Variants in GLS observed in about 807,000 individuals in gnomAD.
GLS encodes glutaminase kidney isoform, mitochondrial.
Under a neutral mutation model 86.7 loss-of-function variants are expected in GLS, and 36 were observed. That is an observed-to-expected ratio of 0.42 (90% CI 0.32 to 0.55). The LOEUF is 0.55. Ranked by LOEUF, GLS falls within the 20% of genes least tolerant of loss-of-function variation. GLS has a pLI of 0.17. For synonymous variants in GLS, 317 were observed against 305.9 expected (o/e 1.04, Z -0.38); for missense variants, 528 against 833.4 (o/e 0.63, Z 4.51).
intron 1 of GLS, 142 bp downstream of exon 1, chr2:190,881,612 T>A: frequency 1.3e-6 from 1 of 790,950 alleles, no homozygotes; most frequent in Non-Finnish European, 1.9e-6. Context: ...CTGCGCCGTC[T>A]GCGCCATGTG....
rs1308804423 is a variant in GLS at position 190,943,046 on chromosome 2, C to T, written c.1651-10519C>T. On this transcript the variant is annotated intron_variant, in intron 14 of 17. Transcript: ENST00000320717. This position sits in a 1 kb window ranked among gnomAD's most constrained non-coding sequence, Gnocchi z 4.5. ...CTTTACTGGAAACTCACCTGACGCT[C>T]ATTGACCAGACTAACTGCAAGGGAA... Among the ~76,000 whole-genome samples the T allele has an allele frequency of 6.6e-6, 1 of 152,154 alleles. No homozygotes were observed. Among genetic ancestry groups the T allele is most frequent in the Non-Finnish European group, 1.5e-5 (1 of 68,036 alleles).
chr2:190,893,245 A>G (rs1159848558), intron 1 of GLS, among the ~76,000 whole-genome samples: 1 of 152,222 alleles, frequency 6.6e-6, no homozygotes, highest in Non-Finnish European at 1.5e-5. Context: ...TATAAAAGTA[A>G]TAACAAGCTA....
chr2:190,894,322 G>C (rs1360242256), intron 1 of GLS, among the ~76,000 whole-genome samples: 1 of 151,252 alleles, frequency 6.6e-6, no homozygotes, highest in Non-Finnish European at 1.5e-5. Context: ...ATGTAAATAA[G>C]TCTTATACTA....
chr2:190,934,795 T>C, intron 14 of GLS: 1 of 964,222 alleles, frequency 1.0e-6, no homozygotes, highest in Non-Finnish European at 1.2e-6. Flanking sequence ...AATGAAGTAC[T>C]GTTATCTAAG....
At position 190,964,881 on chromosome 2, in the gene GLS, A is replaced by C. The variant is rs897159627; in HGVS notation, c.*1895A>C. 6.6e-6 allele frequency: 1 copy of C among 152,346 alleles called. No individual in the cohort carries two copies. 9.4% of individuals were successfully genotyped at this position (152,346 alleles called of 1,614,324 possible). On this transcript the variant is annotated 3_prime_UTR_variant, in exon 18 of 18. Coordinates refer to ENST00000320717, the MANE Select transcript of GLS (RefSeq NM_014905.5). This position sits in a 1 kb window ranked among gnomAD's most constrained non-coding sequence, Gnocchi z 5.2. Reference sequence around the variant, plus strand: ...GAATTGTGTGACTTGAAGATTACCAATGATTTTGAGGCTTTTCTATAATAA... The same window carrying C: ...GAATTGTGTGACTTGAAGATTACCACTGATTTTGAGGCTTTTCTATAATAA...
intron 14 of GLS, among the ~76,000 whole-genome samples, chr2:190,952,232 A>C (rs1690735055): frequency 6.6e-6 from 1 of 152,296 alleles, no homozygotes; most frequent in East Asian, 1.9e-4. Context: ...GGGCAGGAAT[A>C]GAAAAGGATG....
At chr2:190,888,567 A>G (rs1295678098) in intron 1 of GLS, among the ~76,000 whole-genome samples, 24 of 152,216 alleles carry the variant, frequency 1.6e-4, no homozygotes, top group Admixed American at 1.6e-3. Flanking sequence ...AGTCACTACT[A>G]CAACTTCTCA....
At chr2:190,946,823 ACAAT>A (rs1375635743) in intron 14 of GLS, among the ~76,000 whole-genome samples, 1 of 152,164 alleles carries the variant, frequency 6.6e-6, no homozygotes, top group African/African-American at 2.4e-5. Flanking sequence ...GCTTTGGATA[ACAAT>A]CTGAGATCTA....
Position 190,935,017 on chromosome 2 carries a change from C to A in GLS, c.1650+3380C>A. 1.1e-6 allele frequency: 1 copy of A among 950,222 alleles called. No individual in the cohort carries two copies. The highest frequency in any genetic ancestry group is 1.3e-6 in the Non-Finnish European group (1 of 798,196). 58.9% of individuals were successfully genotyped at this position (950,222 alleles called of 1,614,324 possible). A position where few individuals can be genotyped will look rare whatever the true frequency, so the allele number is the denominator to read the frequency against. On this transcript the variant is annotated intron_variant, in intron 14 of 17. Transcript: ENST00000320717. The surrounding 1 kb of genome is among the most constrained non-coding windows in gnomAD (Gnocchi z 4.2). Reference sequence around the variant, plus strand: ...CCACTATTATTGGGTTTGTTTTATGCCATTATTGATTCTTGATATTCAAGC... The same window carrying A: ...CCACTATTATTGGGTTTGTTTTATGACATTATTGATTCTTGATATTCAAGC...
chr2:190,934,081 T>C, intron 14 of GLS: 2 of 976,258 alleles, frequency 2.0e-6, no homozygotes, highest in Non-Finnish European at 2.4e-6. Context: ...TTCTTCCATA[T>C]ACTTCTCTGG....
At chr2:190,948,363 C>T (rs892417573) in intron 14 of GLS, among the ~76,000 whole-genome samples, 2 of 152,000 alleles carry the variant, frequency 1.3e-5, no homozygotes, top group African/African-American at 4.8e-5. Context: ...TTTTGAATAA[C>T]AATATACTCT....
Position 190,895,626 on chromosome 2 carries a change from G to C in GLS, c.506G>C (p.Arg169Pro). ...CAGGCACTCAAATCTACAGGATTGC[G>C]AACGTCTGATCCCAGGTTGAAAGAG... is the stretch of plus-strand genomic sequence containing the variant. The part of the protein sequence containing the change: ...FITALKSTGL[R>P]TSDPRLKECM... Residue 169 changes from arginine to proline, a missense_variant, in exon 3 of 18, where the codon CGA (arginine) becomes CCA (proline). Arg to Pro is a moderately radical substitution (Grantham distance 103). Coordinates refer to ENST00000320717, the MANE Select transcript of GLS (RefSeq NM_014905.5). The surrounding 1 kb of genome is among the most constrained non-coding windows in gnomAD (Gnocchi z 4.2). 1 of 1,602,636 alleles carries C rather than the reference G, an allele frequency of 6.2e-7. No homozygotes were observed. The highest frequency in any genetic ancestry group is 8.5e-7 in the Non-Finnish European group (1 of 1,171,506).
chr2:190,918,088 T>C (rs1689603010), intron 7 of GLS, among the ~76,000 whole-genome samples: 1 of 152,216 alleles, frequency 6.6e-6, no homozygotes, highest in African/African-American at 2.4e-5. Context: ...GAATGATGAA[T>C]GAGCATTGGC....
chr2:190,923,316 T>C (rs141563077), intron 9 of GLS, among the ~76,000 whole-genome samples: 89 of 152,304 alleles, frequency 5.8e-4, no homozygotes, highest in South Asian at 2.1e-3. Flanking sequence ...TTTGTTTGTT[T>C]GATGTTTTCC....
chr2:190,908,635 C>T (rs1689245302), intron 6 of GLS, among the ~76,000 whole-genome samples: 2 of 152,180 alleles, frequency 1.3e-5, no homozygotes, highest in African/African-American at 4.8e-5. Context: ...CCATCAACTC[C>T]ATCTTACCTT....
At chr2:190,929,323 A>G (rs1314349654) in intron 12 of GLS, among the ~76,000 whole-genome samples, 1 of 152,066 alleles carries the variant, frequency 6.6e-6, no homozygotes, top group Non-Finnish European at 1.5e-5. Context: ...ATATTTAAAA[A>G]CAATACGTTT....
At position 190,913,130 on chromosome 2, in the gene GLS, G is replaced by T; in HGVS notation, c.1038+2809G>T. On this transcript the variant is annotated intron_variant, in intron 7 of 17. Coordinates refer to ENST00000320717, the MANE Select transcript of GLS (RefSeq NM_014905.5). The surrounding 1 kb of genome is among the most constrained non-coding windows in gnomAD (Gnocchi z 6.1). ...GTTAATCCCCCCACCCCAAAATTAA[G>T]TAGAGTCTTTAGTAAGACTCTTGAT... is the stretch of plus-strand genomic sequence containing the variant. The T allele has an allele frequency of 7.9e-7, 1 of 1,266,718 alleles. No individual in the cohort carries two copies. Among genetic ancestry groups the T allele is most frequent in the East Asian group, 5.6e-5 (1 of 17,820 alleles). 78.5% of individuals were successfully genotyped at this position (1,266,718 alleles called of 1,614,324 possible).
At position 190,935,090 on chromosome 2, in the gene GLS, C is replaced by G. The variant is rs1320800030; in HGVS notation, c.1650+3453C>G. The G allele has an allele frequency of 2.1e-6, 2 of 940,482 alleles. No homozygotes were observed. Among genetic ancestry groups the G allele is most frequent in the Non-Finnish European group, 2.5e-6 (2 of 789,576 alleles). The allele number at this position is 940,482 out of a possible 1,614,324, so 58.3% of individuals were successfully genotyped here. A position where few individuals can be genotyped will look rare whatever the true frequency, so the allele number is the denominator to read the frequency against. The stretch of plus-strand genomic sequence containing the variant: ...TTTTCTTTTTTCTTTCTTTTTTTGG[C>G]ATCATTAACATTTCATTTGAAATGC... On this transcript the variant is annotated intron_variant, in intron 14 of 17. Transcript: ENST00000320717. The surrounding 1 kb of genome is among the most constrained non-coding windows in gnomAD (Gnocchi z 4.2).
chr2:190,891,934 C>T (rs1688576738), intron 1 of GLS, among the ~76,000 whole-genome samples: 1 of 152,066 alleles, frequency 6.6e-6, no homozygotes, highest in African/African-American at 2.4e-5. Context: ...TTTTCTGTTG[C>T]CATGCTTCCA....
Sources: allele counts gnomAD v4.1 joint callset (sites outside exome capture counted in the v4.1 genomes callset), GRCh38; gene constraint gnomAD v4.1.1; non-coding constraint Gnocchi (gnomAD v3.1); transcripts MANE v1.5; gene names NCBI Gene and HGNC (gene_info 2026-07-23, HGNC 2026-07-21).